CFAP61: variants seen among roughly 807,000 people sequenced by gnomAD.
The protein encoded by CFAP61 is cilia- and flagella-associated protein 61.
In CFAP61, 107 loss-of-function variants were observed where a neutral mutation model predicts 135.6. The observed-to-expected ratio is 0.79, with a 90% CI of 0.67 to 0.93. The LOEUF is 0.93. Ranked by LOEUF, CFAP61 falls within the 40% of genes least tolerant of loss-of-function variation. The pLI is 0.00. For missense variants in CFAP61, 1,507 were observed against 1,556.2 expected (o/e 0.97, Z 0.53); for synonymous variants, 575 against 578.5 (o/e 0.99, Z 0.09).
chr20:20,067,872 T>TAATA, intron 2 of CFAP61, among the ~76,000 whole-genome samples: 1 of 150,578 alleles, frequency 6.6e-6, no homozygotes, highest in Admixed American at 6.7e-5. Context: ...ATGGGGGACC[T>TAATA]AGTGACTAAG....
At position 20,320,444 on chromosome 20, in the gene CFAP61, AAT is replaced by A. The variant is rs1482569450; in HGVS notation, c.3423-21380_3423-21379del. Among the ~76,000 whole-genome samples, 31 of 112,486 alleles carry A rather than the reference AAT, an allele frequency of 2.8e-4. 2 individuals carry two copies. Among genetic ancestry groups the A allele is most frequent in the African/African-American group, 1.4e-3 (30 of 21,976 alleles). 73.8% of individuals were successfully genotyped at this position (112,486 alleles called of 152,430 possible). On this transcript the variant is annotated intron_variant, in intron 25 of 26. Coordinates refer to ENST00000245957, the MANE Select transcript of CFAP61 (RefSeq NM_015585.4). Reference sequence around the variant, plus strand: ...ATTATATATGTAATATAATATATGTAATATATATTATATATGTAATATATAAT... The same window carrying A: ...ATTATATATGTAATATAATATATGTAATATATTATATATGTAATATATAAT...
In CFAP61 at chr20:20,290,509, A is replaced by T. The variant is rs1027027453; in HGVS notation, c.3216+118A>T. ...GTGTTGGTTCACACATCAGAAGCCCACTGGAGTAATCGTCCCCCAAGATGG... is the reference window on the plus strand; with the variant it reads ...GTGTTGGTTCACACATCAGAAGCCCTCTGGAGTAATCGTCCCCCAAGATGG... On this transcript the variant is annotated intron_variant, in intron 24 of 26. Coordinates refer to ENST00000245957, the MANE Select transcript of CFAP61 (RefSeq NM_015585.4). 5.7e-6 allele frequency: 4 copies of T among 697,344 alleles called. No individual in the cohort carries two copies. The Admixed American group carries it at 6.7e-5, about 12-fold the overall frequency. 43.2% of individuals were successfully genotyped at this position (697,344 alleles called of 1,614,324 possible). A position where few individuals can be genotyped will look rare whatever the true frequency, so the allele number is the denominator to read the frequency against.
chr20:20,216,732 G>C (rs1295031683), intron 17 of CFAP61, among the ~76,000 whole-genome samples: 1 of 152,028 alleles, frequency 6.6e-6, no homozygotes, highest in African/African-American at 2.4e-5. Flanking sequence ...TTAAACTGCT[G>C]TCAAAATCAT....
chr20:20,127,752 C>T (rs994832049), intron 8 of CFAP61, among the ~76,000 whole-genome samples: 1 of 151,528 alleles, frequency 6.6e-6, no homozygotes, highest in Admixed American at 6.6e-5. Context: ...CTAGAACTCC[C>T]CAAATTATAT....
chr20:20,307,043 G>A (rs1296372590), intron 25 of CFAP61, among the ~76,000 whole-genome samples: 3 of 152,124 alleles, frequency 2.0e-5, no homozygotes, highest in African/African-American at 7.2e-5. Context: ...GCCCACCACT[G>A]CCACCTCTCA....
At chr20:20,321,802 C>T (rs1017003918) in intron 25 of CFAP61, among the ~76,000 whole-genome samples, 3 of 152,160 alleles carry the variant, frequency 2.0e-5, no homozygotes, top group Non-Finnish European at 4.4e-5. Flanking sequence ...ACCATTTGGC[C>T]CTCCTCCCAG....
intron 17 of CFAP61, chr20:20,214,527 C>T (rs1411202813): frequency 6.6e-6 from 1 of 152,330 alleles, no homozygotes; most frequent in African/African-American, 2.4e-5. Flanking sequence ...TGTGACCCCC[C>T]ACCCCAAGCC....
intron 26 of CFAP61, among the ~76,000 whole-genome samples, chr20:20,347,391 A>G (rs933066290): frequency 1.3e-5 from 2 of 152,226 alleles, no homozygotes; most frequent in Admixed American, 1.3e-4. Context: ...ACAAAGATAA[A>G]TGAAATAGAG....
chr20:20,217,784 T>G (rs2048135884), intron 17 of CFAP61, among the ~76,000 whole-genome samples: 1 of 152,170 alleles, frequency 6.6e-6, no homozygotes, highest in African/African-American at 2.4e-5. Flanking sequence ...CTCCCAGCCT[T>G]TTGTCCCAAC....
At chr20:20,181,162 G>GTTATAT (rs1555898478) in intron 13 of CFAP61, among the ~76,000 whole-genome samples, 2 of 84,456 alleles carry the variant, frequency 2.4e-5, no homozygotes, top group Non-Finnish European at 5.2e-5. Flanking sequence ...TAAAGTAAAA[G>GTTATAT]TTATATATAT....
At chr20:20,072,351 G>A (rs1030143205) in intron 3 of CFAP61, among the ~76,000 whole-genome samples, 3 of 151,822 alleles carry the variant, frequency 2.0e-5, no homozygotes, top group South Asian at 2.1e-4. Context: ...TCCTGACCTC[G>A]TGATCCACCT....
chr20:20,188,789 A>G (rs137994106), intron 14 of CFAP61, among the ~76,000 whole-genome samples: 40 of 152,348 alleles, frequency 2.6e-4, no homozygotes, highest in African/African-American at 9.4e-4. Flanking sequence ...GGATTTCACA[A>G]TTTGCATACA....
chr20:20,181,306 C>A (rs6112809), intron 13 of CFAP61, among the ~76,000 whole-genome samples: 2 of 150,472 alleles, frequency 1.3e-5, no homozygotes, highest in African/African-American at 4.9e-5. Context: ...CACACATAAC[C>A]TTGTGTCTAA....
chr20:20,118,073 C>A (rs1338782506), intron 8 of CFAP61, among the ~76,000 whole-genome samples: 3 of 151,948 alleles, frequency 2.0e-5, no homozygotes, highest in Admixed American at 6.6e-5. Context: ...TTTGGATGCC[C>A]TTTCTTTCTC....
At chr20:20,142,406 C>T (rs1257757040) in intron 8 of CFAP61, among the ~76,000 whole-genome samples, 1 of 152,236 alleles carries the variant, frequency 6.6e-6, no homozygotes, top group Non-Finnish European at 1.5e-5. Context: ...ATGTAACTCA[C>T]TGTGGCCTTT....
intron 9 of CFAP61, among the ~76,000 whole-genome samples, chr20:20,145,520 G>A (rs1280642871): frequency 6.6e-6 from 1 of 152,118 alleles, no homozygotes; most frequent in Non-Finnish European, 1.5e-5. Flanking sequence ...TTAAACCTAA[G>A]TATACAATAA....
intron 2 of CFAP61, among the ~76,000 whole-genome samples, chr20:20,068,730 C>T (rs2045495433): frequency 6.6e-6 from 1 of 152,262 alleles, no homozygotes; most frequent in Admixed American, 6.5e-5. Context: ...TTAAATGTTA[C>T]ATCTTTATAG....
At chr20:20,299,395 A>G (rs190730118) in intron 25 of CFAP61, among the ~76,000 whole-genome samples, 5 of 152,298 alleles carry the variant, frequency 3.3e-5, no homozygotes, top group East Asian at 3.9e-4. Context: ...AACTTCTTCT[A>G]TAAGGGGCAG....
intron 25 of CFAP61, among the ~76,000 whole-genome samples, chr20:20,337,831 C>G (rs1163829565): frequency 1.3e-5 from 2 of 152,152 alleles, no homozygotes; most frequent in African/African-American, 4.8e-5. Context: ...CACCCAGATG[C>G]CTGCTGTGAC....
Sources: allele counts gnomAD v4.1 joint callset (sites outside exome capture counted in the v4.1 genomes callset), GRCh38; gene constraint gnomAD v4.1.1; transcripts MANE v1.5; gene names NCBI Gene and HGNC (gene_info 2026-07-23, HGNC 2026-07-21).